Variants in MEGF11 observed in about 807,000 individuals in gnomAD.
The protein encoded by MEGF11 is multiple EGF like domains 11.
A neutral mutation model predicts 146.6 loss-of-function variants in MEGF11; 126 were observed. The ratio of observed to expected loss-of-function variants is 0.86; its 90% CI spans 0.74 to 1.00. The LOEUF is 1.00. MEGF11 is among the 50% of genes least tolerant of loss of function. MEGF11 has a pLI of 0.00. For synonymous variants in MEGF11, 532 were observed against 583.4 expected, an observed-to-expected ratio of 0.91 and a Z score of 1.27; for missense variants, 1,509 against 1,521.2, an observed-to-expected ratio of 0.99 and a Z score of 0.13.
rs540418727 is a variant in MEGF11 at position 66,107,778 on chromosome 15, TA to T, written c.301+11307del. Among the ~76,000 whole-genome samples, 52 of 152,232 alleles carry T rather than the reference TA, an allele frequency of 3.4e-4. 1 individual carries two copies. The South Asian group carries it at 0.01, about 30-fold the overall frequency. On this transcript the variant is annotated intron_variant, in intron 4 of 25. Coordinates refer to ENST00000395614, the MANE Select transcript of MEGF11 (RefSeq NM_001385028.1). ...TACTCCTTTGGGTATCCCTTGAGTG[TA>T]CCCTGGAAAAGCCAGCCCACTCATC...
chr15:65,995,809 T>C (rs1596968518), intron 5 of MEGF11, among the ~76,000 whole-genome samples: 1 of 152,308 alleles, frequency 6.6e-6, no homozygotes, highest in South Asian at 2.1e-4. Context: ...ACCAGCTGCC[T>C]GGTGGGTTGG....
intron 10 of MEGF11, among the ~76,000 whole-genome samples, chr15:65,949,947 C>T (rs1184165573): frequency 7.2e-5 from 11 of 152,202 alleles, no homozygotes. Flanking sequence ...ATTCTCGGTT[C>T]TGTGGCTGCT....
At chr15:66,242,611 T>C (rs1345793548) in intron 1 of MEGF11, among the ~76,000 whole-genome samples, 3 of 151,948 alleles carry the variant, frequency 2.0e-5, no homozygotes, top group Non-Finnish European at 4.4e-5. Context: ...CTCATGCCTA[T>C]CCAATAAGCA....
chr15:65,950,253 T>G (rs148442155), intron 10 of MEGF11, among the ~76,000 whole-genome samples: 1 of 152,236 alleles, frequency 6.6e-6, no homozygotes, highest in Non-Finnish European at 1.5e-5. Context: ...GTCAGCCCAA[T>G]AATCCTACAA....
chr15:66,183,263 G>A (rs1597139677), intron 1 of MEGF11, among the ~76,000 whole-genome samples: 1 of 152,178 alleles, frequency 6.6e-6, no homozygotes, highest in African/African-American at 2.4e-5. Flanking sequence ...ACTTTGGGAG[G>A]CTGAGATGGG....
At chr15:65,911,663 G>A (rs1286409311) in intron 21 of MEGF11, among the ~76,000 whole-genome samples, 3 of 152,118 alleles carry the variant, frequency 2.0e-5, no homozygotes, top group Non-Finnish European at 2.9e-5. Flanking sequence ...CGCCTGCCTC[G>A]GCCTCCCAAA....
At chr15:65,968,683 A>G (rs1394495785) in intron 8 of MEGF11, among the ~76,000 whole-genome samples, 2 of 152,228 alleles carry the variant, frequency 1.3e-5, no homozygotes, top group Admixed American at 1.3e-4. Flanking sequence ...ACAGAAGGAT[A>G]ATCACAGCAG....
chr15:65,950,394 G>A (rs2080355755), intron 10 of MEGF11, among the ~76,000 whole-genome samples: 1 of 152,118 alleles, frequency 6.6e-6, no homozygotes, highest in African/African-American at 2.4e-5. Flanking sequence ...AGACCAGCCT[G>A]GGCAACATGG....
intron 1 of MEGF11, among the ~76,000 whole-genome samples, chr15:66,179,079 C>A (rs1482370390): frequency 2.7e-5 from 2 of 73,972 alleles, no homozygotes; most frequent in Non-Finnish European, 5.5e-5. Context: ...CAGGGTCAAT[C>A]TGTCAGCCCG....
In MEGF11 at chr15:66,082,656, G is replaced by C. The variant is rs1274502535; in HGVS notation, c.394+11746C>G. ...CTGTATTCTGTATTCCAGCAAGATGGAGCAAGACTCTGTCTCAAAAAAAAA... is the reference window on the plus strand; with the variant it reads ...CTGTATTCTGTATTCCAGCAAGATGCAGCAAGACTCTGTCTCAAAAAAAAA... On this transcript the variant is annotated intron_variant, in intron 5 of 25. Transcript: ENST00000395614. Among the ~76,000 whole-genome samples the C allele has an allele frequency of 8.1e-5, 6 of 74,004 alleles. No homozygotes were observed. In the East Asian group the frequency reaches 1.8e-3, roughly 22 times the overall value. 48.5% of individuals were successfully genotyped at this position (74,004 alleles called of 152,430 possible).
At chr15:66,086,994 T>C (rs531406039) in intron 5 of MEGF11, among the ~76,000 whole-genome samples, 1 of 152,300 alleles carries the variant, frequency 6.6e-6, no homozygotes, top group African/African-American at 2.4e-5. Context: ...TTCATGCAAC[T>C]GGACACCAAA....
At chr15:66,136,954 G>T (rs1353781963) in intron 1 of MEGF11, among the ~76,000 whole-genome samples, 1 of 152,160 alleles carries the variant, frequency 6.6e-6, no homozygotes, top group Admixed American at 6.5e-5. Context: ...GATCACTTGA[G>T]CCCAGGAGGC....
At chr15:66,113,922 A>G (rs1269738320) in intron 4 of MEGF11, among the ~76,000 whole-genome samples, 1 of 151,954 alleles carries the variant, frequency 6.6e-6, no homozygotes, top group African/African-American at 2.4e-5. Flanking sequence ...AGTGGTTCTC[A>G]AGTGTAGTTC....
At chr15:66,018,676 C>CGTCTGCAA (rs1555461908) in intron 5 of MEGF11, among the ~76,000 whole-genome samples, 1 of 151,268 alleles carries the variant, frequency 6.6e-6, no homozygotes, top group Non-Finnish European at 1.5e-5. Flanking sequence ...AGGGTGTCTG[C>CGTCTGCAA]GTGTGCAAGT....
chr15:66,193,606 G>A (rs1035779493), intron 1 of MEGF11, among the ~76,000 whole-genome samples: 1 of 152,034 alleles, frequency 6.6e-6, no homozygotes, highest in African/African-American at 2.4e-5. Context: ...CAGTATTTGT[G>A]GTATGTGAAA....
chr15:66,031,155 A>G (rs1290777445), intron 5 of MEGF11, among the ~76,000 whole-genome samples: 2 of 152,174 alleles, frequency 1.3e-5, no homozygotes, highest in African/African-American at 4.8e-5. Context: ...GCCTCTTTTG[A>G]TGGGGTCTGT....
chr15:66,000,474 G>A (rs748121610), intron 5 of MEGF11, among the ~76,000 whole-genome samples: 3 of 152,134 alleles, frequency 2.0e-5, no homozygotes, highest in Non-Finnish European at 4.4e-5. Context: ...CCAGGCTGCA[G>A]TGAGCTATAA....
In MEGF11 at chr15:66,119,147, G is replaced by C; in HGVS notation, c.240C>G (p.Thr80=). The change falls in exon 4 of 26, where the codon ACC becomes ACG. Residue 80 remains threonine (T), a synonymous_variant. Transcript: ENST00000395614. ...YKTAYRRGLR[T]MYRRRSQCCP... is the part of the protein sequence containing the mutation. The stretch of plus-strand genomic sequence containing the variant: ...AGCACTGGGACCTCCGCCGGTACAT[G>C]GTCCGGAGGCCTCTCCGATACGCCG... 6.4e-7 allele frequency: 1 copy of C among 1,551,564 alleles called. No individual in the cohort carries two copies. The highest frequency in any genetic ancestry group is 8.7e-7 in the Non-Finnish European group (1 of 1,147,008).
intron 1 of MEGF11, among the ~76,000 whole-genome samples, chr15:66,163,615 G>A (rs1275841604): frequency 6.6e-6 from 1 of 152,186 alleles, no homozygotes; most frequent in East Asian, 1.9e-4. Context: ...ACAATGAGAT[G>A]TGGAGCTGGC....
Sources: gnomAD v4.1 joint callset for allele counts (sites outside exome capture counted in the v4.1 genomes callset) on GRCh38, gnomAD v4.1.1 for gene constraint, MANE v1.5 for transcripts, NCBI Gene and HGNC (gene_info 2026-07-23, HGNC 2026-07-21) for gene names.